Variants in USP33 observed in about 807,000 individuals in gnomAD.
USP33 encodes ubiquitin carboxyl-terminal hydrolase 33.
A neutral mutation model predicts 124.2 loss-of-function variants in USP33; 46 were observed. The observed-to-expected ratio is 0.37, with a 90% confidence interval of 0.29 to 0.47. The LOEUF (loss-of-function observed/expected upper bound fraction) is 0.47. Among genes scored for constraint, USP33 ranks in the 20% least tolerant of loss-of-function variants. The probability of loss-of-function intolerance (pLI) is 0.99; values close to 1 mark genes in which losing one functional copy is unlikely to be tolerated. For missense variants in USP33, 851 were observed against 1,070.6 expected, an observed-to-expected ratio of 0.79 and a Z score of 2.86; for synonymous variants, 350 against 352.3, an observed-to-expected ratio of 0.99 and a Z score of 0.07.
At chr1:77,714,939 T>C in intron 18 of USP33, 156 bp from the exon 19 acceptor site, 2 of 688,580 alleles carry the variant, frequency 2.9e-6, no homozygotes, top group East Asian at 2.8e-5. Context: ...ATCCACCAAA[T>C]ACATTATATA....
chr1:77,728,767 G>T (rs773506812), intron 9 of USP33, 55 bp from the exon 10 acceptor site: 5 of 1,528,754 alleles, frequency 3.3e-6, no homozygotes, highest in African/African-American at 1.4e-5. Flanking sequence ...ATATAGAAAC[G>T]TAAGGGAAAA....
At chr1:77,740,342 T>C (rs552323172) in intron 4 of USP33, among the ~76,000 whole-genome samples, 2 of 152,076 alleles carry the variant, frequency 1.3e-5, no homozygotes, top group African/African-American at 4.8e-5. Context: ...CCTTCAAATA[T>C]CTGGATATAC....
chr1:77,738,332 T>C (rs971207787), intron 5 of USP33, among the ~76,000 whole-genome samples: 7 of 152,204 alleles, frequency 4.6e-5, no homozygotes, highest in Non-Finnish European at 7.4e-5. Flanking sequence ...TCTGATCAAC[T>C]GATGATCTGA....
At position 77,722,168 on chromosome 1, in the gene USP33, T is replaced by G; in HGVS notation, c.1418A>C (p.Asp473Ala). The G allele has an allele frequency of 6.2e-7, 1 of 1,613,412 alleles. No homozygotes were observed. The highest frequency in any genetic ancestry group is 8.5e-7 in the Non-Finnish European group (1 of 1,179,708). Reference protein sequence around the residue: ...RVSVTLETFQDLSLPIPGKED... With the variant: ...RVSVTLETFQALSLPIPGKED... ...CTTGCCAGGAATTGGCAAGGACAGA[T>G]CTTGAAAGGTCTCGAGGGTTACAGA... The change falls in exon 13 of 24, where the codon GAT (aspartate) becomes GCT (alanine). Residue 473 changes from aspartate to alanine, a missense_variant. Asp to Ala is a moderately radical substitution (Grantham distance 126). Coordinates refer to ENST00000370794, the MANE Select transcript of USP33 (RefSeq NM_201624.3).
intron 13 of USP33, 38 bp from the exon 14 acceptor site, chr1:77,721,963 G>T (rs1676611710): frequency 6.2e-7 from 1 of 1,604,990 alleles, no homozygotes; most frequent in East Asian, 2.2e-5. Flanking sequence ...GAAGTGTTCT[G>T]CCAGTACAGC....
intron 23 of USP33, 36 bp from the exon 24 acceptor site, chr1:77,697,510 C>A (rs953201666): frequency 6.4e-7 from 1 of 1,557,512 alleles, no homozygotes; most frequent in Non-Finnish European, 8.6e-7. Flanking sequence ...GTTTACAAAC[C>A]TATATATTCA....
intron 18 of USP33, 72 bp downstream of exon 18, chr1:77,715,670 A>C: frequency 2.6e-6 from 4 of 1,514,020 alleles, no homozygotes; most frequent in Non-Finnish European, 3.6e-6. Context: ...AATCCATTAG[A>C]ATGTCTTAGA....
chr1:77,741,604 A>G lies in USP33; in HGVS notation c.81+13T>C. ...TGAATAGTTTTTCAAGGAAGAAAAA[A>G]CCTGTTTCTTACAAGGGATTTTTGT... On this transcript the variant is annotated intron_variant, in intron 2 of 23. Transcript: ENST00000370794. The G allele has an allele frequency of 6.3e-7, 1 of 1,575,688 alleles. No homozygotes were observed. The highest frequency in any genetic ancestry group is 8.6e-7 in the Non-Finnish European group (1 of 1,166,430).
intron 5 of USP33, among the ~76,000 whole-genome samples, chr1:77,739,000 T>C (rs1678811404): frequency 1.3e-5 from 2 of 151,736 alleles, no homozygotes; most frequent in Non-Finnish European, 2.9e-5. Flanking sequence ...ACTACTTGAG[T>C]CATTTAAAAA....
chr1:77,753,422 C>T (rs904720308), intron 1 of USP33, among the ~76,000 whole-genome samples: 5 of 150,814 alleles, frequency 3.3e-5, no homozygotes, highest in South Asian at 2.1e-4. Context: ...ACCCACCCCC[C>T]ATCTTTACAA....
At chr1:77,711,706 A>G (rs1041071276) in intron 21 of USP33, 41 bp downstream of exon 21, 1 of 1,582,688 alleles carries the variant, frequency 6.3e-7, no homozygotes, top group East Asian at 2.2e-5. Flanking sequence ...TCAGGTCTTC[A>G]TCTTTATCCT....
At chr1:77,713,459 C>T (rs1027545779) in intron 19 of USP33, 178 bp from the exon 20 acceptor site, 1 of 515,006 alleles carries the variant, frequency 1.9e-6, no homozygotes, top group Non-Finnish European at 3.3e-6. Context: ...TCATGGCTCA[C>T]AGCAGCCTCA....
At chr1:77,739,599 A>C (rs1184423167) in intron 4 of USP33, among the ~76,000 whole-genome samples, 182 bp from the exon 5 acceptor site, 1 of 152,226 alleles carries the variant, frequency 6.6e-6, no homozygotes, top group Non-Finnish European at 1.5e-5. Flanking sequence ...AAACAGTAAC[A>C]ACATCTAAGC....
At chr1:77,730,234 A>T (rs562158256) in intron 8 of USP33, among the ~76,000 whole-genome samples, 1 of 152,350 alleles carries the variant, frequency 6.6e-6, no homozygotes, top group East Asian at 1.9e-4. Context: ...ATATTACAGC[A>T]AACTATGATC....
At chr1:77,721,148 A>G in intron 15 of USP33, 24 bp downstream of exon 15, 2 of 1,613,404 alleles carry the variant, frequency 1.2e-6, no homozygotes, top group Non-Finnish European at 1.7e-6. Flanking sequence ...ACATGCAATT[A>G]AAAGCACTGT....
intron 5 of USP33, among the ~76,000 whole-genome samples, chr1:77,738,357 A>G (rs1173630139): frequency 1.3e-5 from 2 of 152,224 alleles, no homozygotes; most frequent in African/African-American, 4.8e-5. Flanking sequence ...GAAGCCAACT[A>G]TTCTAAGTTA....
At position 77,741,764 on chromosome 1, in the gene USP33, C is replaced by A; in HGVS notation, c.-51-16G>T. The A allele has an allele frequency of 6.5e-7, 1 of 1,535,746 alleles. No homozygotes were observed. The highest frequency in any genetic ancestry group is 8.7e-7 in the Non-Finnish European group (1 of 1,146,142). On this transcript the variant is annotated splice_polypyrimidine_tract_variant and intron_variant, in intron 1 of 23. Transcript: ENST00000370794. ...GAGGTAACACCTATAAGAAAAGTAA[C>A]ACACACAAAAAAATTAATAAATGCT...
intron 17 of USP33, chr1:77,717,592 C>T (rs1676070795): frequency 4.7e-6 from 1 of 210,794 alleles, no homozygotes; most frequent in Non-Finnish European, 9.3e-6. Flanking sequence ...AATTATCTGA[C>T]ATGTTTTTAA....
At chr1:77,733,659 T>C (rs906012795) in intron 7 of USP33, among the ~76,000 whole-genome samples, 4 of 152,204 alleles carry the variant, frequency 2.6e-5, no homozygotes, top group Non-Finnish European at 4.4e-5. Context: ...GAAATGCTCA[T>C]TGGAGCATTT....
Sources: allele counts gnomAD v4.1 joint callset (sites outside exome capture counted in the v4.1 genomes callset), GRCh38; gene constraint gnomAD v4.1.1; transcripts MANE v1.5; gene names NCBI Gene and HGNC (gene_info 2026-07-23, HGNC 2026-07-21).